The following GNG4 variants were observed in gnomAD, a reference collection of about 807,000 sequenced individuals.
The protein encoded by GNG4 is guanine nucleotide-binding protein G(I)/G(S)/G(O) subunit gamma-4.
GNG4 carries 4 observed loss-of-function variants against 5.8 expected under a neutral mutation model. The ratio of observed to expected loss-of-function variants is 0.69; its 90% CI spans 0.34 to 1.57. The LOEUF (loss-of-function observed/expected upper bound fraction) is 1.57, where lower values mean the gene tolerates loss of function less well. Ranked by LOEUF, GNG4 falls within the 40% of genes most tolerant of loss-of-function variation. The pLI, the probability that GNG4 is intolerant of heterozygous loss-of-function variation, is 0.06. For synonymous variants in GNG4, 29 were observed against 32.9 expected, an observed-to-expected ratio of 0.88 and a Z score of 0.41; for missense variants, 96 against 95.1, an observed-to-expected ratio of 1.01 and a Z score of -0.04.
At position 235,551,612 on chromosome 1, in the gene GNG4, C is replaced by T. The variant is rs978823570; in HGVS notation, c.*497G>A. 2.0e-5 allele frequency: 3 copies of T among 152,608 alleles called. No individual in the cohort carries two copies. Among genetic ancestry groups the T allele is most frequent in the African/African-American group, 7.2e-5 (3 of 41,402 alleles). 9.5% of individuals were successfully genotyped at this position (152,608 alleles called of 1,614,324 possible). A position where few individuals can be genotyped will look rare whatever the true frequency, so the allele number is the denominator to read the frequency against. On this transcript the variant is annotated 3_prime_UTR_variant, in exon 4 of 4. Coordinates refer to ENST00000391854, the MANE Select transcript of GNG4 (RefSeq NM_001098722.2). Reference sequence around the variant, plus strand: ...AATCCTGTGGGTTGTTGTCTTTTTACTAGGATGATGGAAATGCAGGAAATA... The same window carrying T: ...AATCCTGTGGGTTGTTGTCTTTTTATTAGGATGATGGAAATGCAGGAAATA...
intron 1 of GNG4, among the ~76,000 whole-genome samples, chr1:235,634,914 A>G (rs1689003778): frequency 6.6e-6 from 1 of 152,100 alleles, no homozygotes; most frequent in South Asian, 2.1e-4. Flanking sequence ...AGCCTGCGCG[A>G]CAAGAGCAAA....
intron 1 of GNG4, chr1:235,616,349 A>G: frequency 2.4e-6 from 1 of 424,588 alleles, no homozygotes; most frequent in Non-Finnish European, 4.6e-6. Context: ...GGCCAGATTC[A>G]CCGTCATGCT....
At chr1:235,587,187 G>A (rs1039443097) in intron 2 of GNG4, among the ~76,000 whole-genome samples, 1 of 148,298 alleles carries the variant, frequency 6.7e-6, no homozygotes, top group African/African-American at 2.5e-5. Flanking sequence ...GTGGGGGTGA[G>A]TGTGTGTGAC....
intron 1 of GNG4, among the ~76,000 whole-genome samples, chr1:235,630,504 G>A (rs1367466156): frequency 1.3e-5 from 2 of 152,158 alleles, no homozygotes; most frequent in African/African-American, 2.4e-5. Flanking sequence ...TGTTTGTCCC[G>A]GGAATTCTGA....
chr1:235,566,160 C>T (rs1687188919), intron 3 of GNG4: 1 of 152,254 alleles, frequency 6.6e-6, no homozygotes, highest in Admixed American at 6.5e-5. Context: ...ACTGATGTCT[C>T]CATGGTGAGT....
chr1:235,600,083 C>T (rs1688220850), intron 1 of GNG4, among the ~76,000 whole-genome samples: 1 of 100,774 alleles, frequency 9.9e-6, no homozygotes, highest in African/African-American at 3.6e-5. Flanking sequence ...ATTCCTTTAT[C>T]TGGTTGCGGA....
chr1:235,587,399 GTA>G (rs1687807180), intron 2 of GNG4, among the ~76,000 whole-genome samples: 1 of 92,518 alleles, frequency 1.1e-5, no homozygotes, highest in Non-Finnish European at 2.2e-5. Flanking sequence ...GTGTGAGCAT[GTA>G]TGAGGGTGAG....
At chr1:235,624,941 C>T (rs555558657) in intron 1 of GNG4, among the ~76,000 whole-genome samples, 7 of 152,286 alleles carry the variant, frequency 4.6e-5, no homozygotes, top group South Asian at 2.1e-4. Flanking sequence ...CTTTCTGGAA[C>T]GTGGGGAACC....
At chr1:235,593,283 G>A (rs956969378) in intron 2 of GNG4, among the ~76,000 whole-genome samples, 1 of 152,182 alleles carries the variant, frequency 6.6e-6, no homozygotes, top group African/African-American at 2.4e-5. Context: ...GCATCTTGCA[G>A]CACACAACTC....
chr1:235,578,644 G>A (rs567645417), intron 3 of GNG4, among the ~76,000 whole-genome samples: 17 of 152,254 alleles, frequency 1.1e-4, no homozygotes, highest in African/African-American at 4.1e-4. Context: ...AACCCTGAAG[G>A]ATATTATATT....
intron 3 of GNG4, among the ~76,000 whole-genome samples, chr1:235,576,152 C>A (rs1433043187): frequency 6.6e-6 from 1 of 151,570 alleles, no homozygotes; most frequent in African/African-American, 2.4e-5. Context: ...CCTCCGCGTC[C>A]CGGATTCAAG....
intron 3 of GNG4, among the ~76,000 whole-genome samples, chr1:235,572,624 C>A (rs1335202910): frequency 6.6e-6 from 1 of 151,962 alleles, no homozygotes; most frequent in East Asian, 1.9e-4. Context: ...GCCTCAGCCC[C>A]CTGAGAAGCT....
At chr1:235,553,441 G>GTC (rs990356361) in intron 3 of GNG4, among the ~76,000 whole-genome samples, 2 of 152,108 alleles carry the variant, frequency 1.3e-5, no homozygotes, top group African/African-American at 4.8e-5. Context: ...TACATTCAAT[G>GTC]TCTAAATCTT....
chr1:235,552,343 A>T, intron 3 of GNG4, 106 bp from the exon 4 acceptor site: 2 of 1,020,602 alleles, frequency 2.0e-6, no homozygotes, highest in Non-Finnish European at 3.0e-6. Flanking sequence ...GGTAGGCTGT[A>T]TTGTGTGCAC....
chr1:235,569,621 C>T (rs1687286138), intron 3 of GNG4, among the ~76,000 whole-genome samples: 1 of 151,792 alleles, frequency 6.6e-6, no homozygotes. Context: ...TCCTCATGAC[C>T]TCTTTCCTTG....
chr1:235,590,636 C>A (rs2102950768), intron 2 of GNG4, among the ~76,000 whole-genome samples: 1 of 152,270 alleles, frequency 6.6e-6, no homozygotes, highest in East Asian at 1.9e-4. Context: ...AGGACAGTCA[C>A]CCTTGTTGCC....
chr1:235,589,778 G>GA (rs1257748893), intron 2 of GNG4, among the ~76,000 whole-genome samples: 1 of 152,204 alleles, frequency 6.6e-6, no homozygotes, highest in East Asian at 1.9e-4. Context: ...AACCACTGGG[G>GA]AATCAACCAA....
intron 2 of GNG4, among the ~76,000 whole-genome samples, chr1:235,587,182 GGTGA>G (rs780174217): frequency 4.4e-4 from 64 of 146,502 alleles, no homozygotes; most frequent in African/African-American, 1.5e-3. Context: ...AGTGTGTGGG[GGTGA>G]GTGTGTGTGA....
At chr1:235,628,223 C>A (rs929481973) in intron 1 of GNG4, among the ~76,000 whole-genome samples, 1 of 152,098 alleles carries the variant, frequency 6.6e-6, no homozygotes, top group Admixed American at 6.6e-5. Context: ...CAACAAAAAA[C>A]CAGACATGGC....
Sources: gnomAD v4.1 joint callset for allele counts (sites outside exome capture counted in the v4.1 genomes callset) on GRCh38, gnomAD v4.1.1 for gene constraint, MANE v1.5 for transcripts, NCBI Gene and HGNC (gene_info 2026-07-23, HGNC 2026-07-21) for gene names.